Variants in SH3BP2 observed in about 807,000 individuals in gnomAD.
SH3BP2 encodes the protein SH3 domain binding protein 2, also known as SH3 domain-binding protein 2.
A neutral mutation model predicts 56.2 loss-of-function variants in SH3BP2; 38 were observed. The observed-to-expected ratio is 0.68, with a 90% CI of 0.52 to 0.89. The LOEUF is 0.89. Ranked by LOEUF, SH3BP2 falls within the 40% of genes least tolerant of loss-of-function variation. The pLI, the probability that SH3BP2 is intolerant of heterozygous loss-of-function variation, is 0.00. For missense variants in SH3BP2, 748 were observed against 762.6 expected, an observed-to-expected ratio of 0.98 and a Z score of 0.23; for synonymous variants, 346 against 316.7, an observed-to-expected ratio of 1.09 and a Z score of -0.98.
rs750169036 is a variant in SH3BP2 at position 2,829,468 on chromosome 4, C to T, written c.587-25C>T. 6.2e-6 allele frequency: 10 copies of T among 1,613,092 alleles called. No homozygotes were observed. Among genetic ancestry groups the T allele is most frequent in the Admixed American group, 3.3e-5 (2 of 59,994 alleles). The stretch of plus-strand genomic sequence containing the variant: ...TGTTGGCCCAGTCTCTGTCAGGGTC[C>T]AACCCGGGTCTCTTTGCTCTGCAGA... On this transcript the variant is annotated intron_variant, in intron 7 of 12. Transcript: ENST00000503393. The surrounding 1 kb of genome is among the most constrained non-coding windows in gnomAD (Gnocchi z 4.9).
At chr4:2,825,335 GTC>G in intron 5 of SH3BP2, 139 bp downstream of exon 5, 1 of 727,668 alleles carries the variant, frequency 1.4e-6, no homozygotes, top group East Asian at 2.7e-5. Flanking sequence ...GCTGGGCTGC[GTC>G]TCTCTGCTCC....
intron 1 of SH3BP2, among the ~76,000 whole-genome samples, chr4:2,801,602 G>T (rs566367334): frequency 9.2e-5 from 14 of 152,162 alleles, no homozygotes; most frequent in Non-Finnish European, 1.3e-4. Context: ...CTGGCCTGTC[G>T]CCTTGAGCCC....
At chr4:2,818,984 G>A in intron 1 of SH3BP2, 1 of 787,312 alleles carries the variant, frequency 1.3e-6, no homozygotes, top group Non-Finnish European at 1.5e-6. Context: ...GCCCAGACTG[G>A]AGAGCAGTGG....
chr4:2,808,827 C>A, intron 1 of SH3BP2, among the ~76,000 whole-genome samples: 1 of 36,620 alleles, frequency 2.7e-5, no homozygotes, highest in East Asian at 6.3e-4. Flanking sequence ...GCCCACCCAC[C>A]CTCCTAGGGC....
chr4:2,823,291 G>C lies in SH3BP2; in HGVS notation c.239+254G>C, dbSNP rs1382176323. On this transcript the variant is annotated intron_variant, in intron 3 of 12. Transcript: ENST00000503393. Reference sequence around the variant, plus strand: ...CTTTGTGCACAAGTCCCAGAGGCCTGGACAGCCTGCTCTCCAGAGTCTCCA... The same window carrying C: ...CTTTGTGCACAAGTCCCAGAGGCCTCGACAGCCTGCTCTCCAGAGTCTCCA... 1.0e-5 allele frequency: 6 copies of C among 571,794 alleles called. No homozygotes were observed. The East Asian group carries it at 2.3e-4, about 22-fold the overall frequency. 35.4% of individuals were successfully genotyped at this position (571,794 alleles called of 1,614,324 possible). A position where few individuals can be genotyped will look rare whatever the true frequency, so the allele number is the denominator to read the frequency against.
intron 2 of SH3BP2, among the ~76,000 whole-genome samples, chr4:2,821,103 G>T (rs1218527582): frequency 6.6e-6 from 1 of 152,176 alleles, no homozygotes; most frequent in African/African-American, 2.4e-5. Context: ...CGCCCACAGT[G>T]AACCTATGTG....
rs1725140871 is a variant in SH3BP2, at chr4:2,833,923, G to A, written c.*89G>A. The A allele has an allele frequency of 7.0e-7, 1 of 1,432,086 alleles. No individual in the cohort carries two copies. Among genetic ancestry groups the A allele is most frequent in the South Asian group, 1.3e-5 (1 of 75,376 alleles). The allele number at this position is 1,432,086 out of a possible 1,614,324, so 88.7% of individuals were successfully genotyped here. On this transcript the variant is annotated 3_prime_UTR_variant, in exon 13 of 13. Coordinates refer to ENST00000503393, the MANE Select transcript of SH3BP2 (RefSeq NM_001122681.2). ...CGGACATGGGCCCACATGGGAGGGTGAGCAGGAGCAAGGCTGTGCTTGCCT... is the reference window on the plus strand; with the variant it reads ...CGGACATGGGCCCACATGGGAGGGTAAGCAGGAGCAAGGCTGTGCTTGCCT...
intron 5 of SH3BP2, chr4:2,826,192 A>T (rs535691036): frequency 6.4e-6 from 1 of 156,590 alleles, no homozygotes. Flanking sequence ...CACAGCCTCC[A>T]GTTCTTCTGT....
intron 5 of SH3BP2, among the ~76,000 whole-genome samples, chr4:2,825,874 C>T (rs776813747): frequency 1.2e-4 from 18 of 152,242 alleles, no homozygotes; most frequent in Non-Finnish European, 1.2e-4. Flanking sequence ...CAGCCTCCCC[C>T]GTGAGCTGGC....
At position 2,829,143 on chromosome 4, in the gene SH3BP2, C is replaced by T. The variant is rs1724837247; in HGVS notation, c.587-350C>T. 2.0e-5 allele frequency among the ~76,000 whole-genome samples: 3 copies of T among 152,168 alleles called. No individual in the cohort carries two copies. The highest frequency in any genetic ancestry group is 4.4e-5 in the Non-Finnish European group (3 of 68,022). On this transcript the variant is annotated intron_variant, in intron 7 of 12. Coordinates refer to ENST00000503393, the MANE Select transcript of SH3BP2 (RefSeq NM_001122681.2). This position sits in a 1 kb window ranked among gnomAD's most constrained non-coding sequence, Gnocchi z 4.9. Reference sequence around the variant, plus strand: ...TCCCCTCCCCTGTCCTTGGGAATTCCGTCCTCCCTCTCGCTCCAGCCGAGC... The same window carrying T: ...TCCCCTCCCCTGTCCTTGGGAATTCTGTCCTCCCTCTCGCTCCAGCCGAGC...
At position 2,836,092 on chromosome 4, in the gene SH3BP2, G is replaced by C. The variant is rs994304675; in HGVS notation, c.*2258G>C. ...AGTGGCTAAAGCATCCTGGGGCCCA[G>C]AGCCAGGTGATAGGTCCCTCTGGCC... On this transcript the variant is annotated 3_prime_UTR_variant, in exon 13 of 13. Transcript: ENST00000503393. 9.9e-5 allele frequency: 15 copies of C among 152,256 alleles called. No homozygotes were observed. Among genetic ancestry groups the C allele is most frequent in the African/African-American group, 3.6e-4 (15 of 41,426 alleles). 9.4% of individuals were successfully genotyped at this position (152,256 alleles called of 1,614,324 possible). A position where few individuals can be genotyped will look rare whatever the true frequency, so the allele number is the denominator to read the frequency against.
chr4:2,824,263 G>T (rs534182936), intron 3 of SH3BP2, among the ~76,000 whole-genome samples: 1 of 152,182 alleles, frequency 6.6e-6, no homozygotes. Context: ...GCCCTGTGGG[G>T]TACCCCAGGG....
Position 2,831,988 on chromosome 4 carries a change from A to G in SH3BP2, c.1406+10A>G. The stretch of plus-strand genomic sequence containing the variant: ...CCTGCGAAGTGGAAAGGTCAGCACA[A>G]AGCCCTGTGTGTGCTGGGTCCTCCG... On this transcript the variant is annotated intron_variant, in intron 10 of 12. Coordinates refer to ENST00000503393, the MANE Select transcript of SH3BP2 (RefSeq NM_001122681.2). The surrounding 1 kb of genome is among the most constrained non-coding windows in gnomAD (Gnocchi z 4.1). The G allele has an allele frequency of 6.2e-7, 1 of 1,612,522 alleles. No homozygotes were observed. The highest frequency in any genetic ancestry group is 8.5e-7 in the Non-Finnish European group (1 of 1,179,682).
At position 2,831,480 on chromosome 4, in the gene SH3BP2, A is replaced by G; in HGVS notation, c.1242-91A>G. The G allele has an allele frequency of 1.0e-6, 1 of 968,902 alleles. No individual in the cohort carries two copies. The allele number at this position is 968,902 out of a possible 1,614,324, so 60.0% of individuals were successfully genotyped here. A position where few individuals can be genotyped will look rare whatever the true frequency, so the allele number is the denominator to read the frequency against. ...CCATAGCAGGCAGCTTGCCGTCCTC[A>G]CACAGAGGGTGGAGTGGGGAGGGGA... On this transcript the variant is annotated intron_variant, in intron 8 of 12. Transcript: ENST00000503393. The surrounding 1 kb of genome is among the most constrained non-coding windows in gnomAD (Gnocchi z 4.1).
Position 2,820,676 on chromosome 4 carries a change from T to A in SH3BP2, c.59T>A (p.Leu20Gln). 6.2e-7 allele frequency: 1 copy of A among 1,614,186 alleles called. No homozygotes were observed. Among genetic ancestry groups the A allele is most frequent in the Middle Eastern group, 1.7e-4 (1 of 6,060 alleles). The change falls in exon 2 of 13, where the codon CTG becomes CAG. Residue 20 changes from leucine to glutamine, a missense_variant. Transcript: ENST00000503393. ...VPMKAIGAQNLLTMPGGVAKA... is the reference protein window; with the variant it reads ...VPMKAIGAQNQLTMPGGVAKA... Reference sequence around the variant, plus strand: ...ATGAAGGCCATTGGTGCCCAGAACCTGCTAACCATGCCTGGGGGCGTGGCC... The same window carrying A: ...ATGAAGGCCATTGGTGCCCAGAACCAGCTAACCATGCCTGGGGGCGTGGCC...
chr4:2,812,412 C>A, intron 1 of SH3BP2: 1 of 1,550,296 alleles, frequency 6.5e-7, no homozygotes, highest in Non-Finnish European at 8.7e-7. Context: ...CCTCCCTGGG[C>A]CCCAGGACAC....
At chr4:2,804,133 C>T (rs768409915) in intron 1 of SH3BP2, among the ~76,000 whole-genome samples, 3 of 152,178 alleles carry the variant, frequency 2.0e-5, no homozygotes, top group East Asian at 1.9e-4. Flanking sequence ...TTCCTGCTCT[C>T]GGTTTCCTCA....
chr4:2,804,751 A>C (rs1336542235), intron 1 of SH3BP2, among the ~76,000 whole-genome samples: 2 of 152,218 alleles, frequency 1.3e-5, no homozygotes, highest in Non-Finnish European at 2.9e-5. Flanking sequence ...AGCCAGGCTC[A>C]GCAGGAAATG....
chr4:2,826,368 T>TG (rs1724627083), intron 5 of SH3BP2: 1 of 90,876 alleles, frequency 1.1e-5, no homozygotes, highest in Non-Finnish European at 2.1e-5. Flanking sequence ...TGCTCTGTGT[T>TG]TGTGTGTGCA....
Sources: gnomAD v4.1 joint callset for allele counts (sites outside exome capture counted in the v4.1 genomes callset) on GRCh38, gnomAD v4.1.1 for gene constraint, Gnocchi (gnomAD v3.1) non-coding constraint, MANE v1.5 for transcripts, NCBI Gene and HGNC (gene_info 2026-07-23, HGNC 2026-07-21) for gene names.